CSMD1: variants seen among roughly 807,000 people sequenced by gnomAD.
CSMD1 encodes the protein CUB and sushi domain-containing protein 1.
Under a neutral mutation model 417.5 loss-of-function variants are expected in CSMD1, and 213 were observed. The observed-to-expected ratio is 0.51, with a 90% CI of 0.46 to 0.57. The LOEUF (loss-of-function observed/expected upper bound fraction) is 0.57. Among genes scored for constraint, CSMD1 ranks in the 20% least tolerant of loss-of-function variants. The pLI is 0.00. For missense variants in CSMD1, 6,923 were observed against 4,529.7 expected (o/e 1.53, Z -15.17); for synonymous variants, 2,862 against 1,736.8 (o/e 1.65, Z -16.11).
At chr8:3,956,173 T>C (rs182256205) in intron 5 of CSMD1, among the ~76,000 whole-genome samples, 336 of 152,330 alleles carry the variant, frequency 2.2e-3, no homozygotes, top group African/African-American at 7.7e-3. Context: ...AAAAAGGTTG[T>C]ACAATTTTGG....
intron 10 of CSMD1, among the ~76,000 whole-genome samples, chr8:3,503,956 G>T (rs1796717145): frequency 6.6e-6 from 1 of 151,984 alleles, no homozygotes; most frequent in African/African-American, 2.4e-5. Flanking sequence ...GTTAGGGCGT[G>T]GACAAGAAGT....
intron 3 of CSMD1, among the ~76,000 whole-genome samples, chr8:4,260,974 C>G (rs116617398): frequency 2.0e-5 from 3 of 152,064 alleles, no homozygotes; most frequent in African/African-American, 7.2e-5. Context: ...ATTGACTTGC[C>G]TCTTTTGTAA....
intron 5 of CSMD1, among the ~76,000 whole-genome samples, chr8:3,886,544 A>G (rs1254943434): frequency 2.0e-5 from 3 of 152,246 alleles, no homozygotes; most frequent in Admixed American, 1.3e-4. Flanking sequence ...CATGGACAGC[A>G]CTTTAATGAC....
At chr8:4,493,820 A>G (rs2130233720) in intron 2 of CSMD1, among the ~76,000 whole-genome samples, 1 of 152,370 alleles carries the variant, frequency 6.6e-6, no homozygotes, top group East Asian at 1.9e-4. Context: ...ACTAGAGGAC[A>G]TCATTCACAG....
At position 3,488,164 on chromosome 8, in the gene CSMD1, G is replaced by T. The variant is rs186091100; in HGVS notation, c.1448+5459C>A. 2.6e-5 allele frequency among the ~76,000 whole-genome samples: 4 copies of T among 151,836 alleles called. No individual in the cohort carries two copies. In the East Asian group the frequency reaches 5.8e-4, roughly 22 times the overall value. ...GTTGCTCAGGCTGGAGTGCAGTGGG[G>T]TCATCATAGCTCACTGCAGCCTTGA... On this transcript the variant is annotated intron_variant, in intron 11 of 69. Transcript: ENST00000635120.
chr8:3,676,790 C>A (rs1040516158), intron 7 of CSMD1, among the ~76,000 whole-genome samples: 2 of 152,092 alleles, frequency 1.3e-5, no homozygotes, highest in Admixed American at 1.3e-4. Context: ...CAATGATAGA[C>A]TGGATAAAGA....
At chr8:4,722,703 A>G (rs1034001088) in intron 1 of CSMD1, among the ~76,000 whole-genome samples, 4 of 152,184 alleles carry the variant, frequency 2.6e-5, no homozygotes, top group Admixed American at 6.5e-5. Context: ...TAATTTGAAT[A>G]TGATGTCAGC....
chr8:3,544,265 A>T (rs1286046266), intron 10 of CSMD1, among the ~76,000 whole-genome samples: 2 of 152,202 alleles, frequency 1.3e-5, no homozygotes, highest in Non-Finnish European at 2.9e-5. Context: ...ATACCTTGAA[A>T]AAAGAGCGTT....
intron 1 of CSMD1, among the ~76,000 whole-genome samples, chr8:4,732,187 C>G (rs1007204101): frequency 2.0e-5 from 3 of 152,030 alleles, no homozygotes; most frequent in African/African-American, 7.3e-5. Context: ...GGTAGCAGAC[C>G]GCAGACAAGA....
At chr8:4,362,056 T>G (rs115357673) in intron 3 of CSMD1, among the ~76,000 whole-genome samples, 1 of 152,074 alleles carries the variant, frequency 6.6e-6, no homozygotes, top group Non-Finnish European at 1.5e-5. Context: ...ATAAGGAACC[T>G]GTGAAAATAA....
chr8:3,501,839 G>A (rs1172304890), intron 10 of CSMD1, among the ~76,000 whole-genome samples: 2 of 152,200 alleles, frequency 1.3e-5, no homozygotes, highest in African/African-American at 2.4e-5. Context: ...AGGTTGTAAG[G>A]GCCAATCATA....
intron 7 of CSMD1, among the ~76,000 whole-genome samples, chr8:3,667,836 G>T (rs1563252075): frequency 6.6e-6 from 1 of 152,162 alleles, no homozygotes; most frequent in Non-Finnish European, 1.5e-5. Context: ...CAGGCATCCT[G>T]GAGTGTCTGT....
chr8:4,680,283 C>T (rs1805955054), intron 1 of CSMD1, among the ~76,000 whole-genome samples: 2 of 152,284 alleles, frequency 1.3e-5, no homozygotes, highest in African/African-American at 2.4e-5. Context: ...TAATATTTTA[C>T]AAGGAAAATT....
intron 3 of CSMD1, among the ~76,000 whole-genome samples, chr8:4,090,927 T>C (rs562378330): frequency 9.9e-5 from 15 of 152,062 alleles, no homozygotes; most frequent in African/African-American, 3.1e-4. Context: ...TTTTTTTTCT[T>C]TTCTTTTTTG....
chr8:3,154,677 T>C (rs1819408073), intron 39 of CSMD1, among the ~76,000 whole-genome samples: 1 of 152,182 alleles, frequency 6.6e-6, no homozygotes, highest in South Asian at 2.1e-4. Flanking sequence ...TGTAGAGCCC[T>C]AGAAAACTGC....
chr8:4,127,385 A>C lies in CSMD1; in HGVS notation c.416-95286T>G, dbSNP rs185805078. On this transcript the variant is annotated intron_variant, in intron 3 of 69. Coordinates refer to ENST00000635120, the MANE Select transcript of CSMD1 (RefSeq NM_033225.6). Reference sequence around the variant, plus strand: ...CCTTCAGCTTCAGCCACCTGAAAAAAAATCTCCAATCTGGAAAATCTAAAC... The same window carrying C: ...CCTTCAGCTTCAGCCACCTGAAAAACAATCTCCAATCTGGAAAATCTAAAC... Among the ~76,000 whole-genome samples the C allele has an allele frequency of 3.8e-3, 578 of 151,680 alleles. 7 individuals are homozygous for C. The highest frequency in any genetic ancestry group is 0.01 in the South Asian group (50 of 4,798).
chr8:3,721,305 C>T (rs1244266054), intron 6 of CSMD1, among the ~76,000 whole-genome samples: 1 of 152,026 alleles, frequency 6.6e-6, no homozygotes, highest in African/African-American at 2.4e-5. Context: ...GCCACATATT[C>T]GGGTGTGTAA....
chr8:4,090,633 G>A (rs934838868), intron 3 of CSMD1, among the ~76,000 whole-genome samples: 3 of 152,116 alleles, frequency 2.0e-5, no homozygotes, highest in Non-Finnish European at 4.4e-5. Context: ...GTAAAAGAAC[G>A]TCCCTGAACT....
chr8:4,130,790 A>G (rs1450890376), intron 3 of CSMD1, among the ~76,000 whole-genome samples: 2 of 151,896 alleles, frequency 1.3e-5, no homozygotes, highest in Non-Finnish European at 2.9e-5. Flanking sequence ...AAATCTGTCA[A>G]TGCTTACAAA....
Sources: gnomAD v4.1 joint callset for allele counts (sites outside exome capture counted in the v4.1 genomes callset) on GRCh38, gnomAD v4.1.1 for gene constraint, MANE v1.5 for transcripts, NCBI Gene and HGNC (gene_info 2026-07-23, HGNC 2026-07-21) for gene names.